The following REPS2 variants were observed in gnomAD, a reference collection of about 807,000 sequenced individuals.
REPS2 encodes ralBP1-associated Eps domain-containing protein 2.
In REPS2, 23 loss-of-function variants were observed where a neutral mutation model predicts 53.6. That is an observed-to-expected ratio of 0.43 (90% CI 0.31 to 0.61). The LOEUF (loss-of-function observed/expected upper bound fraction) is 0.61, where lower values mean the gene tolerates loss of function less well. Among genes scored for constraint, REPS2 ranks in the 20% least tolerant of loss-of-function variants. The probability of loss-of-function intolerance (pLI) is 0.11; values close to 1 mark genes in which losing one functional copy is unlikely to be tolerated. For missense variants in REPS2, 446 were observed against 534.9 expected (o/e 0.83, Z 1.64); for synonymous variants, 238 against 218.6 (o/e 1.09, Z -0.78).
chrX:17,016,765 T>TC (rs1408441023), intron 2 of REPS2, among the ~76,000 whole-genome samples: 1 of 100,688 alleles, frequency 9.9e-6, no homozygotes, highest in African/African-American at 3.6e-5. Flanking sequence ...TTTTTCTTTT[T>TC]TTTTTTTTTT....
chrX:17,137,506 T>C (rs2063387690), intron 16 of REPS2: 1 of 112,776 alleles, frequency 8.9e-6, no homozygotes, highest in South Asian at 3.6e-4. Context: ...GAATTCTTTA[T>C]ATATTCTGGA....
chrX:17,095,598 T>C (rs2062686220), intron 13 of REPS2, among the ~76,000 whole-genome samples: 1 of 109,112 alleles, frequency 9.2e-6, no homozygotes, highest in African/African-American at 3.3e-5. Context: ...TATTTGTTGA[T>C]CACTTACTGT....
At chrX:17,023,165 C>A (rs1203348294) in intron 3 of REPS2, among the ~76,000 whole-genome samples, 1 of 112,684 alleles carries the variant, frequency 8.9e-6, no homozygotes, top group African/African-American at 3.2e-5. Flanking sequence ...CGGTGGCTCA[C>A]GCCTGTAATC....
rs192823475 is a variant in REPS2 at position 16,995,495 on chromosome X, G to T, written c.274-10726G>T. ...TTATTTGCAAAACCATCTATATAGG[G>T]TTCATTTAAATATTAGAAATAGTAC... is the stretch of plus-strand genomic sequence containing the variant. On this transcript the variant is annotated intron_variant, in intron 1 of 17. Transcript: ENST00000357277. Among the ~76,000 whole-genome samples the T allele has an allele frequency of 2.7e-5, 3 of 112,011 alleles. No homozygotes were observed. In the East Asian group the frequency reaches 8.4e-4, roughly 31 times the overall value.
chrX:16,958,608 A>G (rs1031303503), intron 1 of REPS2, among the ~76,000 whole-genome samples: 2 of 112,077 alleles, frequency 1.8e-5, no homozygotes, highest in African/African-American at 6.5e-5. Flanking sequence ...ATAGTCATGA[A>G]AGAATACAGC....
intron 9 of REPS2, among the ~76,000 whole-genome samples, chrX:17,064,363 A>G (rs1274283595): frequency 8.9e-6 from 1 of 111,932 alleles, no homozygotes; most frequent in Non-Finnish European, 1.9e-5. Flanking sequence ...TTAATCTATC[A>G]TGAATGCATG....
intron 1 of REPS2, among the ~76,000 whole-genome samples, chrX:16,969,037 T>C (rs1376659725): frequency 2.8e-5 from 3 of 107,457 alleles, no homozygotes; most frequent in Non-Finnish European, 5.8e-5. Flanking sequence ...GAGGGTCTCC[T>C]CACTTCTCAG....
chrX:16,969,943 A>G (rs2060863312), intron 1 of REPS2, among the ~76,000 whole-genome samples: 1 of 112,362 alleles, frequency 8.9e-6, no homozygotes, highest in Non-Finnish European at 1.9e-5. Flanking sequence ...CCCTCTATTT[A>G]TTATTTTTAA....
chrX:17,081,556 C>A (rs1452117411), intron 13 of REPS2, among the ~76,000 whole-genome samples: 1 of 112,265 alleles, frequency 8.9e-6, no homozygotes, highest in Non-Finnish European at 1.9e-5. Flanking sequence ...ATGAATAAGG[C>A]CAACTTTGGA....
In REPS2 at chrX:16,992,612, C is replaced by T. The variant is rs762246761; in HGVS notation, c.274-13609C>T. Reference sequence around the variant, plus strand: ...TGGTTTGATGTGCTTGAATGCTAGCCAAAGTATAAGGTGAATGGTAGATGC... The same window carrying T: ...TGGTTTGATGTGCTTGAATGCTAGCTAAAGTATAAGGTGAATGGTAGATGC... On this transcript the variant is annotated intron_variant, in intron 1 of 17. Coordinates refer to ENST00000357277, the MANE Select transcript of REPS2 (RefSeq NM_004726.3). Among the ~76,000 whole-genome samples, 22 of 111,687 alleles carry T rather than the reference C, an allele frequency of 2.0e-4. 1 individual carries two copies. In the South Asian group the frequency reaches 7.9e-3, roughly 40 times the overall value.
chrX:17,038,293 G>A (rs1168490104), intron 5 of REPS2, among the ~76,000 whole-genome samples: 1 of 112,579 alleles, frequency 8.9e-6, no homozygotes. Flanking sequence ...CTTTAACAAA[G>A]TATGTGTTGA....
chrX:17,099,741 C>G (rs1193922135), intron 13 of REPS2: 5 of 520,499 alleles, frequency 9.6e-6, no homozygotes, highest in Admixed American at 5.2e-5. Flanking sequence ...CTGAAACCCA[C>G]AGTCAGATGT....
In REPS2 at chrX:17,150,914, A is replaced by T. The variant is rs1318471898; in HGVS notation, c.*3433A>T. 2 of 112,241 alleles carry T rather than the reference A, an allele frequency of 1.8e-5. No homozygotes were observed. Among genetic ancestry groups the T allele is most frequent in the Non-Finnish European group, 3.8e-5 (2 of 53,158 alleles). The allele number at this position is 112,241 out of a possible 1,213,427, so 9.2% of individuals were successfully genotyped here. On this transcript the variant is annotated 3_prime_UTR_variant, in exon 18 of 18. Transcript: ENST00000357277. ...CATGTTGAATTTCATTGACTTAATT[A>T]GTCTTTAAATTTGAAAACATGTTTT...
chrX:17,005,401 A>T (rs1051476508), intron 1 of REPS2, among the ~76,000 whole-genome samples: 1 of 111,978 alleles, frequency 8.9e-6, no homozygotes, highest in Non-Finnish European at 1.9e-5. Context: ...AACCCTCATG[A>T]ACCCACTACC....
rs1166677074 is a variant in REPS2 at position 17,148,298 on chromosome X, T to G, written c.*817T>G. On this transcript the variant is annotated 3_prime_UTR_variant, in exon 18 of 18. Coordinates refer to ENST00000357277, the MANE Select transcript of REPS2 (RefSeq NM_004726.3). Reference sequence around the variant, plus strand: ...ATAAATAGTTGCCAGATCTCTACTTTTATCCTGCATGGGATAATATATCTG... The same window carrying G: ...ATAAATAGTTGCCAGATCTCTACTTGTATCCTGCATGGGATAATATATCTG... 1 of 112,295 alleles carries G rather than the reference T, an allele frequency of 8.9e-6. No homozygotes were observed. Among genetic ancestry groups the G allele is most frequent in the African/African-American group, 3.2e-5 (1 of 30,784 alleles). The allele number at this position is 112,295 out of a possible 1,213,427, so 9.3% of individuals were successfully genotyped here.
intron 13 of REPS2, among the ~76,000 whole-genome samples, chrX:17,096,435 G>A (rs981106222): frequency 3.7e-5 from 4 of 109,368 alleles, no homozygotes; most frequent in Non-Finnish European, 5.7e-5. Context: ...CGAGGCGGGC[G>A]GATCACGAGG....
chrX:16,986,263 A>G (rs557943092), intron 1 of REPS2, among the ~76,000 whole-genome samples: 1 of 111,902 alleles, frequency 8.9e-6, no homozygotes, highest in African/African-American at 3.2e-5. Flanking sequence ...ACCTGGGTGG[A>G]ATGTAAATCT....
At chrX:17,161,032 A>G in the REPS2 span, among the ~76,000 whole-genome samples, 1 of 111,815 alleles carries the variant, frequency 8.9e-6, no homozygotes. Context: ...GTAAATGACA[A>G]GATGTGGAAC....
intron 1 of REPS2, among the ~76,000 whole-genome samples, chrX:16,951,560 C>CACACACACACACACACACA (rs1555906117): frequency 1.0e-4 from 2 of 19,890 alleles, no homozygotes; most frequent in Non-Finnish European, 3.6e-4. Flanking sequence ...CACACACACA[C>CACACACACACACACACACA]CCCCGCTACC....
Sources: allele counts gnomAD v4.1 joint callset (sites outside exome capture counted in the v4.1 genomes callset), GRCh38; gene constraint gnomAD v4.1.1; transcripts MANE v1.5; gene names NCBI Gene and HGNC (gene_info 2026-07-23, HGNC 2026-07-21).